The following RYR2 variants were observed in gnomAD, a reference collection of about 807,000 sequenced individuals.
The protein encoded by RYR2 is cardiac muscle ryanodine receptor-calcium release channel.
A neutral mutation model predicts 601.1 loss-of-function variants in RYR2; 227 were observed. The ratio of observed to expected loss-of-function variants is 0.38; its 90% confidence interval spans 0.34 to 0.42. The LOEUF (loss-of-function observed/expected upper bound fraction) is 0.42. Among genes scored for constraint, RYR2 ranks in the 10% least tolerant of loss-of-function variants. RYR2 has a pLI of 1.00. For synonymous variants in RYR2, 2,223 were observed against 2,175.1 expected (o/e 1.02, Z -0.61); for missense variants, 4,646 against 6,156.5 (o/e 0.75, Z 8.21).
intron 12 of RYR2, among the ~76,000 whole-genome samples, chr1:237,424,294 T>C (rs1042453874): frequency 1.3e-5 from 2 of 152,224 alleles, no homozygotes; most frequent in African/African-American, 4.8e-5. Flanking sequence ...TTTGTTCTTT[T>C]AAATAGATAA....
At chr1:237,105,341 TG>T (rs1231039495) in intron 1 of RYR2, among the ~76,000 whole-genome samples, 1 of 152,070 alleles carries the variant, frequency 6.6e-6, no homozygotes, top group Non-Finnish European at 1.5e-5. Context: ...GTAAGTACTC[TG>T]GGGGAAAATG....
At chr1:237,426,394 G>T (rs1706154872) in intron 12 of RYR2, among the ~76,000 whole-genome samples, 1 of 152,212 alleles carries the variant, frequency 6.6e-6, no homozygotes, top group East Asian at 1.9e-4. Context: ...ATTGCTCCTT[G>T]TCTCTGTAAC....
At chr1:237,334,336 T>C (rs1190312478) in intron 3 of RYR2, among the ~76,000 whole-genome samples, 1 of 151,912 alleles carries the variant, frequency 6.6e-6, no homozygotes, top group African/African-American at 2.4e-5. Context: ...CCCTAAAAAG[T>C]TGCTTATTGT....
At chr1:237,205,053 G>A (rs1456057139) in intron 1 of RYR2, among the ~76,000 whole-genome samples, 1 of 152,196 alleles carries the variant, frequency 6.6e-6, no homozygotes, top group Non-Finnish European at 1.5e-5. Context: ...TGTGCAGTAG[G>A]GCCAGGTGGG....
At chr1:237,745,538 G>A (rs757708699) in intron 80 of RYR2, among the ~76,000 whole-genome samples, 37 of 152,200 alleles carry the variant, frequency 2.4e-4, no homozygotes, top group Non-Finnish European at 4.9e-4. Flanking sequence ...GAGGAATGCA[G>A]TTTCAGGGAG....
intron 1 of RYR2, among the ~76,000 whole-genome samples, chr1:237,075,495 G>C (rs1174248947): frequency 8.0e-6 from 1 of 124,506 alleles, no homozygotes; most frequent in African/African-American, 3.1e-5. Context: ...TTCCCTTTCC[G>C]AGTCAAAGAA....
Position 237,733,871 on chromosome 1 carries a change from A to G in RYR2, c.11091+115A>G, listed in dbSNP as rs565079106. 1.1e-4 allele frequency: 80 copies of G among 742,574 alleles called. 2 individuals are homozygous for G. The South Asian group carries it at 1.3e-3, about 12-fold the overall frequency. The allele number at this position is 742,574 out of a possible 1,614,324, so 46.0% of individuals were successfully genotyped here. A position where few individuals can be genotyped will look rare whatever the true frequency, so the allele number is the denominator to read the frequency against. ...TTAATTTCAACTTTTTGTTTGTAGC[A>G]TGAATCTCCGTTCTAAATTCCATGG... On this transcript the variant is annotated intron_variant, in intron 79 of 104. Coordinates refer to ENST00000366574, the MANE Select transcript of RYR2 (RefSeq NM_001035.3).
chr1:237,791,040 C>A (rs562810543), intron 92 of RYR2, among the ~76,000 whole-genome samples: 1 of 152,256 alleles, frequency 6.6e-6, no homozygotes, highest in East Asian at 1.9e-4. Context: ...TTTCTTTCCC[C>A]AAATATTTGT....
At chr1:237,739,866 A>G (rs1010770923) in intron 79 of RYR2, among the ~76,000 whole-genome samples, 2 of 152,206 alleles carry the variant, frequency 1.3e-5, no homozygotes, top group Non-Finnish European at 2.9e-5. Flanking sequence ...TGGCAAGCTG[A>G]AGAGCCCTCA....
At position 237,783,853 on chromosome 1, in the gene RYR2, C is replaced by A. The variant is rs1232796204; in HGVS notation, c.12141C>A (p.Asp4047Glu). The change falls in exon 90 of 105, where the codon GAC becomes GAA. Residue 4047 changes from aspartate (D) to glutamate (E), a missense_variant. Physicochemically the swap from Asp to Glu is conservative, Grantham distance 45. Transcript: ENST00000366574. Reference sequence around the variant, plus strand: ...GCAAGGGAGTCATTTCCAAGAGGGACTTCCACAAAGCGATGGAGAGCCATA... The same window carrying A: ...GCAAGGGAGTCATTTCCAAGAGGGAATTCCACAAAGCGATGGAGAGCCATA... ...PDGKGVISKR[D>E]FHKAMESHKH... The A allele has an allele frequency of 6.2e-7, 1 of 1,613,730 alleles. No individual in the cohort carries two copies. Among genetic ancestry groups the A allele is most frequent in the African/African-American group, 1.3e-5 (1 of 74,924 alleles).
At chr1:237,709,617 C>A in intron 70 of RYR2, 50 bp downstream of exon 70, 1 of 1,117,012 alleles carries the variant, frequency 9.0e-7, no homozygotes, top group Non-Finnish European at 1.3e-6. Flanking sequence ...TAGGCACCTG[C>A]TTACTTGCCT....
Position 237,660,827 on chromosome 1 carries a change from C to T in RYR2, c.8316C>T (p.Arg2772=). The T allele has an allele frequency of 1.3e-6, 2 of 1,543,418 alleles. No individual in the cohort carries two copies. The highest frequency in any genetic ancestry group is 2.5e-5 in the East Asian group (1 of 40,682). Residue 2772 remains arginine (R), a synonymous_variant, in exon 56 of 105, where the codon CGC becomes CGT. Coordinates refer to ENST00000366574, the MANE Select transcript of RYR2 (RefSeq NM_001035.3). The stretch of plus-strand genomic sequence containing the variant: ...TTCTCTAGGAAAAAGAAATTTATCG[C>T]TGGCCAATCAAAGAATCTTTAAAAA... ...LLSEKEKEIY[R]WPIKESLKTM...
At chr1:237,464,924 T>A (rs1558864590) in intron 16 of RYR2, among the ~76,000 whole-genome samples, 1 of 152,112 alleles carries the variant, frequency 6.6e-6, no homozygotes, top group Non-Finnish European at 1.5e-5. Flanking sequence ...TTATAAAGAG[T>A]GCTGTGATGA....
intron 47 of RYR2, 88 bp from the exon 48 acceptor site, chr1:237,643,239 C>T: frequency 6.6e-7 from 1 of 1,522,522 alleles, no homozygotes. Flanking sequence ...TTATTTTGGA[C>T]TTGGATTCCA....
At chr1:237,319,504 T>A (rs1004644548) in intron 2 of RYR2, among the ~76,000 whole-genome samples, 2 of 152,172 alleles carry the variant, frequency 1.3e-5, no homozygotes, top group African/African-American at 4.8e-5. Context: ...CTGAGCTGAG[T>A]CTGTGACATG....
intron 91 of RYR2, among the ~76,000 whole-genome samples, 190 bp downstream of exon 91, chr1:237,786,226 C>T (rs373684830): frequency 1.5e-4 from 23 of 152,268 alleles, no homozygotes; most frequent in African/African-American, 4.3e-4. Flanking sequence ...TCACTGTAGA[C>T]GCCCCCGGGG....
intron 2 of RYR2, among the ~76,000 whole-genome samples, chr1:237,290,892 G>T (rs935826632): frequency 2.6e-5 from 4 of 152,162 alleles, no homozygotes; most frequent in Non-Finnish European, 5.9e-5. Context: ...TTTAAAAGAT[G>T]TTGAAGATTA....
chr1:237,292,017 G>A (rs1558567685), intron 2 of RYR2, among the ~76,000 whole-genome samples: 1 of 152,118 alleles, frequency 6.6e-6, no homozygotes, highest in African/African-American at 2.4e-5. Flanking sequence ...CATGTGTAGG[G>A]GGCAGAGGTA....
At chr1:237,714,865 G>A (rs1689127916) in intron 71 of RYR2, among the ~76,000 whole-genome samples, 1 of 151,644 alleles carries the variant, frequency 6.6e-6, no homozygotes, top group African/African-American at 2.4e-5. Flanking sequence ...GTGGTGGTGG[G>A]TGCCTCTAAT....
Sources: gnomAD v4.1 joint callset for allele counts (sites outside exome capture counted in the v4.1 genomes callset) on GRCh38, gnomAD v4.1.1 for gene constraint, MANE v1.5 for transcripts, NCBI Gene and HGNC (gene_info 2026-07-23, HGNC 2026-07-21) for gene names.